Variants in INPP5E observed in about 807,000 individuals in gnomAD.
The protein encoded by INPP5E is inositol polyphosphate-5-phosphatase E, also known as phosphatidylinositol polyphosphate 5-phosphatase type IV.
A neutral mutation model predicts 50.5 loss-of-function variants in INPP5E; 34 were observed. The ratio of observed to expected loss-of-function variants is 0.67; its 90% CI spans 0.51 to 0.90. The LOEUF (loss-of-function observed/expected upper bound fraction) is 0.90, where lower values mean the gene tolerates loss of function less well. INPP5E is among the 40% of genes least tolerant of loss of function. The pLI is 0.00. For missense variants in INPP5E, 942 were observed against 905.5 expected, an observed-to-expected ratio of 1.04 and a Z score of -0.52; for synonymous variants, 447 against 406.0, an observed-to-expected ratio of 1.10 and a Z score of -1.21.
rs1346748926 is a variant in INPP5E at position 136,438,671 on chromosome 9, AG to A, written c.748del (p.Leu250PhefsTer144). Reference protein sequence around the residue: ...RSPLACDDCSLRSAKSSFSLL... With the variant: ...RSPLACDDCSXRSAKSSFSLL... ...GCTGAAGGAGGATTTGGCCGAGCGA[AG>A]GGAACAGTCGTCGCAGGCCAGGGGG... On this transcript the variant is annotated frameshift_variant, in exon 1 of 10. Coordinates refer to ENST00000371712, the MANE Select transcript of INPP5E (RefSeq NM_019892.6). LOFTEE classifies it high-confidence loss of function. 3 of 1,593,228 alleles carry A rather than the reference AG, an allele frequency of 1.9e-6. No individual in the cohort carries two copies. Among genetic ancestry groups the A allele is most frequent in the African/African-American group, 1.3e-5 (1 of 74,548 alleles).
Position 136,439,706 on chromosome 9 carries a change from G to A in INPP5E, c.-287C>T. The A allele has an allele frequency of 3.4e-6, 1 of 298,238 alleles. No individual in the cohort carries two copies. Among genetic ancestry groups the A allele is most frequent in the Non-Finnish European group, 6.2e-6 (1 of 162,108 alleles). The allele number at this position is 298,238 out of a possible 1,614,324, so 18.5% of individuals were successfully genotyped here. Reference sequence around the variant, plus strand: ...GTCGCGGGGGAGGTTCGACCCCGACGGGGACGCCGCTCGGGGAGAGGGGTG... The same window carrying A: ...GTCGCGGGGGAGGTTCGACCCCGACAGGGACGCCGCTCGGGGAGAGGGGTG... On this transcript the variant is annotated 5_prime_UTR_variant, in exon 1 of 10. Coordinates refer to ENST00000371712, the MANE Select transcript of INPP5E (RefSeq NM_019892.6).
chr9:136,430,156 C>T, intron 9 of INPP5E, 121 bp downstream of exon 9: 2 of 1,288,526 alleles, frequency 1.6e-6, no homozygotes, highest in African/African-American at 1.5e-5. Context: ...GGGAACACAG[C>T]CCTGAAGGTC....
At position 136,439,485 on chromosome 9, in the gene INPP5E, G is replaced by A; in HGVS notation, c.-66C>T. 2.5e-6 allele frequency: 3 copies of A among 1,214,446 alleles called. No homozygotes were observed. Among genetic ancestry groups the A allele is most frequent in the Non-Finnish European group, 3.2e-6 (3 of 933,300 alleles). The allele number at this position is 1,214,446 out of a possible 1,614,324, so 75.2% of individuals were successfully genotyped here. ...GGCAGCGCGAGGGGTCACGGGTGCC[G>A]GGTCCGGGGTCGCCGGCGCAGCGAG... On this transcript the variant is annotated 5_prime_UTR_variant, in exon 1 of 10. Coordinates refer to ENST00000371712, the MANE Select transcript of INPP5E (RefSeq NM_019892.6).
rs749826986 is a variant in INPP5E, at chr9:136,438,743, AGCGGCT to A, written c.671_676del (p.Gln224_Pro225del). 6.2e-7 allele frequency: 1 copy of A among 1,611,260 alleles called. No homozygotes were observed. Among genetic ancestry groups the A allele is most frequent in the East Asian group, 2.2e-5 (1 of 44,826 alleles). On this transcript the variant is annotated inframe_deletion, in exon 1 of 10. Transcript: ENST00000371712. ...CAGGCTGCTGTGGGCCCGCACCAGG[AGCGGCT>A]GCGCGCGGAGCTTGTAGTCTGCAAG...
In INPP5E at chr9:136,439,518, A is replaced by G; in HGVS notation, c.-99T>C. 1.2e-6 allele frequency: 1 copy of G among 847,452 alleles called. No individual in the cohort carries two copies. Among genetic ancestry groups the G allele is most frequent in the South Asian group, 3.1e-5 (1 of 32,624 alleles). The allele number at this position is 847,452 out of a possible 1,614,324, so 52.5% of individuals were successfully genotyped here. Reference sequence around the variant, plus strand: ...GGTCGCCGGCGCAGCGAGGAGCAGAAACGCCGCTGCGGCTCCCGCTTGGGC... The same window carrying G: ...GGTCGCCGGCGCAGCGAGGAGCAGAGACGCCGCTGCGGCTCCCGCTTGGGC... On this transcript the variant is annotated 5_prime_UTR_variant, in exon 1 of 10. Transcript: ENST00000371712.
chr9:136,433,227 G>A lies in INPP5E; in HGVS notation c.1087C>T (p.Leu363=). ...QETLGPHYVL[L]SSAAHGVLYM... is the part of the protein sequence containing the mutation. ...AGCACGCCGTGGGCCGCCGAGGACA[G>A]CAGCACATAGTGCGGGCCCAGCGTC... The change falls in exon 4 of 10, where the codon CTG becomes TTG. Residue 363 remains leucine (L), a synonymous_variant. Coordinates refer to ENST00000371712, the MANE Select transcript of INPP5E (RefSeq NM_019892.6). The A allele has an allele frequency of 6.3e-7, 1 of 1,587,130 alleles. No individual in the cohort carries two copies. Among genetic ancestry groups the A allele is most frequent in the East Asian group, 2.2e-5 (1 of 44,564 alleles).
In INPP5E at chr9:136,430,338, T is replaced by A. The variant is rs1473447000; in HGVS notation, c.1741A>T (p.Thr581Ser). ...VSYSSCPGIK[T>S]SDHRPVYGLF... ...CCATACACAGGGCGGTGGTCGGACG[T>A]CTTGATCCCGGGGCAGGAAGAGTAG... The change falls in exon 9 of 10, where the codon ACG (threonine) becomes TCG (serine). Residue 581 changes from threonine (T) to serine (S), a missense_variant. By Grantham distance (58) the Thr-to-Ser change is moderately conservative. Transcript: ENST00000371712. The A allele has an allele frequency of 1.3e-6, 2 of 1,553,266 alleles. No individual in the cohort carries two copies. Among genetic ancestry groups the A allele is most frequent in the South Asian group, 2.4e-5 (2 of 84,148 alleles).
chr9:136,432,586 G>A lies in INPP5E; in HGVS notation c.1280C>T (p.Ser427Leu). ...SFLFITSHFTSGDGKVAERLL... is the reference protein window; with the variant it reads ...SFLFITSHFTLGDGKVAERLL... ...CCGCTCCGCCACCTTCCCGTCACCT[G>A]CTGTGGGAACAGAAATGGGGTAGGG... Residue 427 changes from serine (S) to leucine (L), a missense_variant and splice_region_variant, in exon 6 of 10, where the codon TCA (serine) becomes TTA (leucine). Ser to Leu is a moderately radical substitution (Grantham distance 145). Transcript: ENST00000371712. 6.5e-7 allele frequency: 1 copy of A among 1,537,630 alleles called. No individual in the cohort carries two copies.
chr9:136,439,380 C>T lies in INPP5E; in HGVS notation c.40G>A (p.Ala14Thr), dbSNP rs1290338516. Reference sequence around the variant, plus strand: ...GTCCTCCCTTCCGGCGGCTGCGGGGCCGGCTCGGAGGGCCGCAGATTCTCC... The same window carrying T: ...GTCCTCCCTTCCGGCGGCTGCGGGGTCGGCTCGGAGGGCCGCAGATTCTCC... ...KAENLRPSEP[A>T]PQPPEGRTLQ... The change falls in exon 1 of 10, where the codon GCC (alanine) becomes ACC (threonine). Residue 14 changes from alanine (A) to threonine (T), a missense_variant. Physicochemically the swap from Ala to Thr is moderately conservative, Grantham distance 58. Coordinates refer to ENST00000371712, the MANE Select transcript of INPP5E (RefSeq NM_019892.6). 1.4e-6 allele frequency: 2 copies of T among 1,460,856 alleles called. No individual in the cohort carries two copies. The highest frequency in any genetic ancestry group is 2.5e-5 in the Admixed American group (1 of 39,472). 90.5% of individuals were successfully genotyped at this position (1,460,856 alleles called of 1,614,324 possible). A position where few individuals can be genotyped will look rare whatever the true frequency, so the allele number is the denominator to read the frequency against.
In INPP5E at chr9:136,429,523, G is replaced by T; in HGVS notation, c.*152C>A. On this transcript the variant is annotated 3_prime_UTR_variant, in exon 10 of 10. Coordinates refer to ENST00000371712, the MANE Select transcript of INPP5E (RefSeq NM_019892.6). ...CTGCCACAGAGGACAGGCTCGCTCA[G>T]GGTTGGCTTCCTTCCTGGGACGCTG... is the stretch of plus-strand genomic sequence containing the variant. The T allele has an allele frequency of 1.0e-6, 1 of 1,002,306 alleles. No homozygotes were observed. The highest frequency in any genetic ancestry group is 1.6e-6 in the Non-Finnish European group (1 of 638,716). The allele number at this position is 1,002,306 out of a possible 1,614,324, so 62.1% of individuals were successfully genotyped here.
chr9:136,435,170 A>G (rs1191188103), intron 1 of INPP5E, among the ~76,000 whole-genome samples: 3 of 152,104 alleles, frequency 2.0e-5, no homozygotes, highest in African/African-American at 7.2e-5. Context: ...AGGAGCTCCC[A>G]AACTATAAGC....
At position 136,439,277 on chromosome 9, in the gene INPP5E, G is replaced by A; in HGVS notation, c.143C>T (p.Pro48Leu). The change falls in exon 1 of 10, where the codon CCC becomes CTC. Residue 48 changes from proline (P) to leucine (L), a missense_variant. Physicochemically the swap from Pro to Leu is moderately conservative, Grantham distance 98 (BLOSUM62 -3). Coordinates refer to ENST00000371712, the MANE Select transcript of INPP5E (RefSeq NM_019892.6). ...GGCCGGAGTGCTGCAGGCAAGCGCG[G>A]GGCTCTCGGAGCCCGGAGCATCGGG... is the stretch of plus-strand genomic sequence containing the variant. The part of the protein sequence containing the change: ...SPPDAPGSES[P>L]ALACSTPATP... The A allele has an allele frequency of 6.8e-7, 1 of 1,460,272 alleles. No homozygotes were observed. The highest frequency in any genetic ancestry group is 9.0e-7 in the Non-Finnish European group (1 of 1,115,224). The allele number at this position is 1,460,272 out of a possible 1,614,324, so 90.5% of individuals were successfully genotyped here. A position where few individuals can be genotyped will look rare whatever the true frequency, so the allele number is the denominator to read the frequency against.
Position 136,434,030 on chromosome 9 carries a change from G to A in INPP5E, c.1034+7C>T, listed in dbSNP as rs751468612. ...GGCAGGCACTGCAGGGCCTGCAGCC[G>A]CCCTACCTGTCAGAACAGCCCTCCT... On this transcript the variant is annotated splice_region_variant and intron_variant, in intron 3 of 9. Coordinates refer to ENST00000371712, the MANE Select transcript of INPP5E (RefSeq NM_019892.6). 68 of 1,600,618 alleles carry A rather than the reference G, an allele frequency of 4.2e-5. No homozygotes were observed. In the South Asian group the frequency reaches 5.5e-4, roughly 13 times the overall value.
rs1477480814 is a variant in INPP5E at position 136,429,360 on chromosome 9, G to A, written c.*315C>T. The A allele has an allele frequency of 2.1e-6, 1 of 470,082 alleles. No individual in the cohort carries two copies. Among genetic ancestry groups the A allele is most frequent in the Admixed American group, 3.3e-5 (1 of 29,928 alleles). 29.1% of individuals were successfully genotyped at this position (470,082 alleles called of 1,614,324 possible). ...CCCCCAGGGCACAGGAGCTGCTCAG[G>A]AACGGATTCTGACGTCTGCCCCCGA... On this transcript the variant is annotated 3_prime_UTR_variant, in exon 10 of 10. Transcript: ENST00000371712.
rs780119172 is a variant in INPP5E at position 136,431,843 on chromosome 9, G to A, written c.1530C>T (p.Leu510=). 3.7e-6 allele frequency: 6 copies of A among 1,604,662 alleles called. No individual in the cohort carries two copies. In the Admixed American group the frequency reaches 5.1e-5, roughly 14 times the overall value. ...CCTCACCTTTCCGCATCTCCCGGAT[G>A]AGCTGGTCGTGCTGCAGCAGCGCCG... is the stretch of plus-strand genomic sequence containing the variant. The part of the protein sequence containing the change: ...DVPALLQHDQ[L]IREMRKGSIF... The change falls in exon 7 of 10, where the codon CTC becomes CTT. Residue 510 remains leucine, a synonymous_variant. Coordinates refer to ENST00000371712, the MANE Select transcript of INPP5E (RefSeq NM_019892.6).
chr9:136,433,222 G>A lies in INPP5E; in HGVS notation c.1092C>T (p.Ser364=), dbSNP rs1588834359. The A allele has an allele frequency of 6.9e-6, 11 of 1,595,382 alleles. No individual in the cohort carries two copies. The highest frequency in any genetic ancestry group is 1.3e-5 in the African/African-American group (1 of 74,500). ...TGTAGAGCACGCCGTGGGCCGCCGA[G>A]GACAGCAGCACATAGTGCGGGCCCA... ...ETLGPHYVLL[S]SAAHGVLYMS... Residue 364 remains serine (S), a synonymous_variant, in exon 4 of 10, where the codon TCC becomes TCT. Transcript: ENST00000371712.
chr9:136,438,488 T>C, intron 1 of INPP5E, 120 bp downstream of exon 1: 1 of 918,566 alleles, frequency 1.1e-6, no homozygotes, highest in Non-Finnish European at 1.7e-6. Context: ...GGAGACCCGC[T>C]TCGTTCTTTC....
intron 7 of INPP5E, 52 bp from the exon 8 acceptor site, chr9:136,431,169 C>T (rs746091825): frequency 2.3e-5 from 28 of 1,218,362 alleles, no homozygotes; most frequent in African/African-American, 1.2e-4. Context: ...TGCCAGCCGC[C>T]GCACCCCAGG....
intron 3 of INPP5E, among the ~76,000 whole-genome samples, chr9:136,433,627 T>C (rs985473647): frequency 6.6e-6 from 1 of 152,182 alleles, no homozygotes; most frequent in Non-Finnish European, 1.5e-5. Flanking sequence ...GTTCCCGCCA[T>C]GACATGGGGG....
Sources: gnomAD v4.1 joint callset for allele counts (sites outside exome capture counted in the v4.1 genomes callset) on GRCh38, gnomAD v4.1.1 for gene constraint, MANE v1.5 for transcripts, NCBI Gene and HGNC (gene_info 2026-07-23, HGNC 2026-07-21) for gene names.